Variants in COL5A2 observed in about 807,000 individuals in gnomAD.
COL5A2 encodes collagen type V alpha 2 chain, also known as collagen alpha-2(V) chain.
COL5A2 carries 23 observed loss-of-function variants against 208.2 expected under a neutral mutation model. The observed-to-expected ratio is 0.11, with a 90% CI of 0.08 to 0.16. The LOEUF (loss-of-function observed/expected upper bound fraction) is 0.16, where lower values mean the gene tolerates loss of function less well. Ranked by LOEUF, COL5A2 falls within the 10% of genes least tolerant of loss-of-function variation. The probability of loss-of-function intolerance (pLI) is 1.00; values close to 1 mark genes in which losing one functional copy is unlikely to be tolerated. For missense variants in COL5A2, 1,590 were observed against 1,956.4 expected, an observed-to-expected ratio of 0.81 and a Z score of 3.53; for synonymous variants, 625 against 628.5, an observed-to-expected ratio of 0.99 and a Z score of 0.08.
intron 12 of COL5A2, among the ~76,000 whole-genome samples, chr2:189,083,068 A>G (rs1379685337): frequency 6.6e-6 from 1 of 152,178 alleles, no homozygotes; most frequent in Non-Finnish European, 1.5e-5. Context: ...ACAGAAAGTA[A>G]TGTGGTACTG....
At chr2:189,242,786 G>A in the COL5A2 span, among the ~76,000 whole-genome samples, 3 of 152,280 alleles carry the variant, frequency 2.0e-5, no homozygotes, top group Middle Eastern at 3.4e-3. Flanking sequence ...AATAAACAGG[G>A]GATAAGGAAA....
chr2:189,390,130 A>G, the COL5A2 span, among the ~76,000 whole-genome samples: 3 of 151,604 alleles, frequency 2.0e-5, no homozygotes, highest in African/African-American at 7.3e-5. Flanking sequence ...CTAAAATATG[A>G]TCAAAATAGA....
At chr2:189,035,305 T>C (rs1008827225) in intron 52 of COL5A2, 150 bp from the exon 53 acceptor site, 1 of 1,034,814 alleles carries the variant, frequency 9.7e-7, no homozygotes, top group Non-Finnish European at 1.4e-6. Context: ...CTATTCTAGC[T>C]GTACATCTAA....
intron 1 of COL5A2, among the ~76,000 whole-genome samples, chr2:189,194,229 C>A (rs993874057): frequency 6.6e-6 from 1 of 152,068 alleles, no homozygotes; most frequent in Non-Finnish European, 1.5e-5. Context: ...ATGGTCCAAG[C>A]GAGTCCATTT....
chr2:189,071,476 TAA>T (rs915154605), intron 18 of COL5A2, among the ~76,000 whole-genome samples: 13 of 152,188 alleles, frequency 8.5e-5, no homozygotes, highest in Admixed American at 5.2e-4. Flanking sequence ...CTACAAATAT[TAA>T]GTCATCCCAC....
intron 1 of COL5A2, among the ~76,000 whole-genome samples, chr2:189,115,941 C>A (rs1167616105): frequency 6.6e-6 from 1 of 152,176 alleles, no homozygotes. Flanking sequence ...CTTGGTGGTT[C>A]TTACCAGGTG....
the COL5A2 span, among the ~76,000 whole-genome samples, chr2:189,388,346 C>T: frequency 6.6e-6 from 1 of 152,012 alleles, no homozygotes; most frequent in Non-Finnish European, 1.5e-5. Context: ...GGAAAGGAGA[C>T]AGGAAGGTAA....
chr2:189,344,508 G>GAC, the COL5A2 span, among the ~76,000 whole-genome samples: 1 of 152,056 alleles, frequency 6.6e-6, no homozygotes, highest in Non-Finnish European at 1.5e-5. Context: ...GAAGTATACT[G>GAC]ACACACACAC....
the COL5A2 span, among the ~76,000 whole-genome samples, chr2:189,232,652 A>C: frequency 1.3e-5 from 2 of 151,720 alleles, no homozygotes; most frequent in South Asian, 4.1e-4. Context: ...TCTAATTTTG[A>C]ATGCAATTAT....
At chr2:189,177,703 T>A (rs934684184) in intron 1 of COL5A2, among the ~76,000 whole-genome samples, 5 of 152,184 alleles carry the variant, frequency 3.3e-5, no homozygotes, top group African/African-American at 1.2e-4. Flanking sequence ...AGTTGGGGAC[T>A]TTTTTGCATC....
rs1245318149 is a variant in COL5A2 at position 189,058,537 on chromosome 2, A to C, written c.2131-10T>G. 1.2e-6 allele frequency: 2 copies of C among 1,606,008 alleles called. No individual in the cohort carries two copies. The highest frequency in any genetic ancestry group is 1.7e-6 in the Non-Finnish European group (2 of 1,172,736). On this transcript the variant is annotated splice_polypyrimidine_tract_variant and intron_variant, in intron 32 of 53. Transcript: ENST00000374866. ...GATTTCCTCGTTCTCCCTAGCACAA[A>C]ATTGGGATGTCAAATAATCTCAATA...
At chr2:189,350,147 C>A in the COL5A2 span, among the ~76,000 whole-genome samples, 2 of 151,926 alleles carry the variant, frequency 1.3e-5, no homozygotes. Flanking sequence ...TAATTAGAAA[C>A]AGGCATATAA....
At chr2:189,097,255 A>G (rs769948216) in intron 6 of COL5A2, 22 bp downstream of exon 6, 1 of 1,613,608 alleles carries the variant, frequency 6.2e-7, no homozygotes, top group Non-Finnish European at 8.5e-7. Context: ...GTTCCCCACA[A>G]GGAGCCCTCC....
At chr2:189,383,830 T>G in the COL5A2 span, among the ~76,000 whole-genome samples, 1 of 152,128 alleles carries the variant, frequency 6.6e-6, no homozygotes, top group South Asian at 2.1e-4. Flanking sequence ...GTTGCCCTAT[T>G]GCACTACCAA....
chr2:189,423,288 A>T, the COL5A2 span, among the ~76,000 whole-genome samples: 1 of 151,952 alleles, frequency 6.6e-6, no homozygotes, highest in Admixed American at 6.6e-5. Context: ...ATCAAAAAAT[A>T]AAAATTTCAA....
At chr2:189,289,401 A>G in the COL5A2 span, among the ~76,000 whole-genome samples, 1 of 152,136 alleles carries the variant, frequency 6.6e-6, no homozygotes, top group Non-Finnish European at 1.5e-5. Flanking sequence ...AGTAAAAATC[A>G]TATATGACAG....
the COL5A2 span, among the ~76,000 whole-genome samples, chr2:189,341,774 A>G: frequency 6.6e-6 from 1 of 152,174 alleles, no homozygotes; most frequent in African/African-American, 2.4e-5. Flanking sequence ...AAATCACTAG[A>G]AAGTCTCATA....
chr2:189,262,407 T>A, the COL5A2 span, among the ~76,000 whole-genome samples: 239 of 151,852 alleles, frequency 1.6e-3, 1 homozygote, highest in African/African-American at 5.5e-3. Flanking sequence ...GTTTACCAAC[T>A]TTTTATCAGG....
chr2:189,437,278 T>A, the COL5A2 span, among the ~76,000 whole-genome samples: 4 of 152,286 alleles, frequency 2.6e-5, no homozygotes, highest in African/African-American at 9.6e-5. Context: ...AGAGCTGCCA[T>A]TAGATTATTT....
Sources: gnomAD v4.1 joint callset for allele counts (sites outside exome capture counted in the v4.1 genomes callset) on GRCh38, gnomAD v4.1.1 for gene constraint, MANE v1.5 for transcripts, NCBI Gene and HGNC (gene_info 2026-07-23, HGNC 2026-07-21) for gene names.